PAICS: variants seen among roughly 807,000 people sequenced by gnomAD.
PAICS encodes phosphoribosylaminoimidazole carboxylase and phosphoribosylaminoimidazolesuccinocarboxamide synthase, also known as bifunctional phosphoribosylaminoimidazole carboxylase/phosphoribosylaminoimidazole succinocarboxamide synthetase.
Under a neutral mutation model 53.7 loss-of-function variants are expected in PAICS, and 33 were observed. The observed-to-expected ratio is 0.61, with a 90% CI of 0.47 to 0.82. The LOEUF is 0.82. Ranked by LOEUF, PAICS falls within the 40% of genes least tolerant of loss-of-function variation. The pLI, the probability that PAICS is intolerant of heterozygous loss-of-function variation, is 0.00. For synonymous variants in PAICS, 141 were observed against 167.2 expected, an observed-to-expected ratio of 0.84 and a Z score of 1.21; for missense variants, 394 against 494.1, an observed-to-expected ratio of 0.80 and a Z score of 1.92.
chr4:56,442,105 C>G, intron 2 of PAICS: 2 of 399,854 alleles, frequency 5.0e-6, no homozygotes, highest in Non-Finnish European at 9.0e-6. Flanking sequence ...CACATGCACT[C>G]TCTGTGCAGC....
chr4:56,441,965 T>A, intron 2 of PAICS, 105 bp downstream of exon 2: 1 of 727,542 alleles, frequency 1.4e-6, no homozygotes. Context: ...TGCAGATGTC[T>A]CAAAAGCTAA....
the PAICS span, chr4:56,410,895 A>G: frequency 1.6e-6 from 1 of 612,848 alleles, no homozygotes; most frequent in Non-Finnish European, 1.9e-6. Context: ...GAGACCACTG[A>G]AGGTAAAAAA....
the PAICS span, among the ~76,000 whole-genome samples, chr4:56,419,356 G>GA: frequency 2.7e-5 from 4 of 150,928 alleles, no homozygotes; most frequent in Non-Finnish European, 5.9e-5. Context: ...GTATGGAAGA[G>GA]AAAAAAAAGG....
chr4:56,454,770 A>T (rs1213983948), intron 8 of PAICS, among the ~76,000 whole-genome samples: 3 of 150,734 alleles, frequency 2.0e-5, no homozygotes, highest in Non-Finnish European at 4.4e-5. Flanking sequence ...AAGTTTAGAT[A>T]TTTTTTTCCC....
chr4:56,450,591 T>C (rs1441810371), intron 5 of PAICS, 28 bp from the exon 6 acceptor site: 2 of 1,226,656 alleles, frequency 1.6e-6, no homozygotes, highest in Admixed American at 4.0e-5. Flanking sequence ...AGATACTTGT[T>C]TTCTAAACTT....
chr4:56,458,131 T>C (rs1719319448), intron 8 of PAICS, among the ~76,000 whole-genome samples: 1 of 152,212 alleles, frequency 6.6e-6, no homozygotes, highest in African/African-American at 2.4e-5. Flanking sequence ...ATAGTAGTGT[T>C]GTTTCAGGAG....
At chr4:56,418,401 C>T in the PAICS span, among the ~76,000 whole-genome samples, 2 of 152,092 alleles carry the variant, frequency 1.3e-5, no homozygotes, top group African/African-American at 4.8e-5. Context: ...CCCATTGCAA[C>T]CTCCACCTCC....
rs533407238 is a variant in PAICS, at chr4:56,445,589, C to CA, written c.215-1099dup. Among the ~76,000 whole-genome samples, 230 of 151,714 alleles carry CA rather than the reference C, an allele frequency of 1.5e-3. 1 individual carries two copies. Among genetic ancestry groups the CA allele is most frequent in the African/African-American group, 5.1e-3 (210 of 41,400 alleles). ...GTGACACTTTGTCTCAAAAAAAAAC[C>CA]AAAAAAACAAAAAAACCTACCTCAA... On this transcript the variant is annotated intron_variant, in intron 2 of 8. Transcript: ENST00000512576.
At chr4:56,416,438 G>A in the PAICS span, 1 of 631,792 alleles carries the variant, frequency 1.6e-6, no homozygotes, top group Non-Finnish European at 2.0e-6. Flanking sequence ...AATGGAACTA[G>A]GTATAGTATA....
chr4:56,411,109 T>TA, the PAICS span, among the ~76,000 whole-genome samples: 1 of 152,178 alleles, frequency 6.6e-6, no homozygotes, highest in Admixed American at 6.5e-5. Flanking sequence ...ATTACCACTT[T>TA]AAAAAAATCT....
intron 1 of PAICS, among the ~76,000 whole-genome samples, chr4:56,438,484 A>T (rs1189896083): frequency 6.7e-6 from 1 of 150,090 alleles, no homozygotes; most frequent in African/African-American, 2.5e-5. Context: ...CCCAGGCTGG[A>T]GTGCAGTGGC....
intron 1 of PAICS, among the ~76,000 whole-genome samples, chr4:56,439,539 C>A (rs543576385): frequency 5.1e-4 from 78 of 152,044 alleles, no homozygotes; most frequent in Non-Finnish European, 9.3e-4. Flanking sequence ...TCCCGGCCCA[C>A]TGTTCTTTAC....
At chr4:56,438,428 T>A (rs1718165278) in intron 1 of PAICS, among the ~76,000 whole-genome samples, 1 of 148,638 alleles carries the variant, frequency 6.7e-6, no homozygotes, top group Non-Finnish European at 1.5e-5. Flanking sequence ...TTGTTGTTTT[T>A]TGTTTGTTTT....
chr4:56,452,081 G>A, intron 7 of PAICS, 29 bp downstream of exon 7: 1 of 1,436,106 alleles, frequency 7.0e-7, no homozygotes, highest in Non-Finnish European at 9.6e-7. Context: ...GGACATTTCA[G>A]GTATTTCTGA....
rs1355591033 is a variant in PAICS, at chr4:56,454,609, A to G, written c.1111+848A>G. 2.6e-5 allele frequency among the ~76,000 whole-genome samples: 4 copies of G among 152,286 alleles called. 1 individual carries two copies. The highest frequency in any genetic ancestry group is 2.0e-4 in the Admixed American group (3 of 15,288). ...GATAATCTCTTGATTTTTTAAATATATAACAATTCATCCTCCCTTTTTCCC... is the reference window on the plus strand; with the variant it reads ...GATAATCTCTTGATTTTTTAAATATGTAACAATTCATCCTCCCTTTTTCCC... On this transcript the variant is annotated intron_variant, in intron 8 of 8. Transcript: ENST00000512576.
rs1719570503 is a variant in PAICS, at chr4:56,463,139, A to G, written c.*3601A>G. The G allele has an allele frequency of 6.6e-6, 1 of 152,184 alleles. No individual in the cohort carries two copies. Among genetic ancestry groups the G allele is most frequent in the South Asian group, 2.1e-4 (1 of 4,834 alleles). 9.4% of individuals were successfully genotyped at this position (152,184 alleles called of 1,614,324 possible). On this transcript the variant is annotated 3_prime_UTR_variant, in exon 9 of 9. Coordinates refer to ENST00000512576, the MANE Select transcript of PAICS (RefSeq NM_001079524.2). ...CATTTCAGCCCAGCCAACCTTAGAA[A>G]GCCATTGAAAAGAGTTGTTTTTAAT... is the stretch of plus-strand genomic sequence containing the variant.
intron 8 of PAICS, among the ~76,000 whole-genome samples, chr4:56,458,109 T>C (rs1719318365): frequency 6.6e-6 from 1 of 152,026 alleles, no homozygotes; most frequent in African/African-American, 2.4e-5. Context: ...AAGCAAAAAA[T>C]TGGCAGTTTT....
rs1024743473 is a variant in PAICS, at chr4:56,459,676, A to C, written c.*138A>C. 1 of 621,456 alleles carries C rather than the reference A, an allele frequency of 1.6e-6. No individual in the cohort carries two copies. Among genetic ancestry groups the C allele is most frequent in the African/African-American group, 1.8e-5 (1 of 54,426 alleles). The allele number at this position is 621,456 out of a possible 1,614,324, so 38.5% of individuals were successfully genotyped here. ...TATTAGTGAATAAATGCTTCTCTAG[A>C]TCCATATTAATAAACATGAGCATCT... On this transcript the variant is annotated 3_prime_UTR_variant, in exon 9 of 9. Coordinates refer to ENST00000512576, the MANE Select transcript of PAICS (RefSeq NM_001079524.2).
At chr4:56,419,200 ATTGT>A in the PAICS span, among the ~76,000 whole-genome samples, 4 of 152,196 alleles carry the variant, frequency 2.6e-5, no homozygotes, top group Admixed American at 2.6e-4. Context: ...AAGGAGTTAA[ATTGT>A]TTGTACCTAT....
Sources: gnomAD v4.1 joint callset for allele counts (sites outside exome capture counted in the v4.1 genomes callset) on GRCh38, gnomAD v4.1.1 for gene constraint, MANE v1.5 for transcripts, NCBI Gene and HGNC (gene_info 2026-07-23, HGNC 2026-07-21) for gene names.